The following EYS variants were observed in gnomAD, a reference collection of about 807,000 sequenced individuals.
EYS encodes the protein protein eyes shut homolog.
A neutral mutation model predicts 282.1 loss-of-function variants in EYS; 250 were observed. The ratio of observed to expected loss-of-function variants is 0.89; its 90% CI spans 0.80 to 0.98. EYS has a LOEUF of 0.98. Ranked by LOEUF, EYS falls within the 50% of genes least tolerant of loss-of-function variation. The probability of loss-of-function intolerance (pLI) is 0.00; values close to 1 mark genes in which losing one functional copy is unlikely to be tolerated. For missense variants in EYS, 4,016 were observed against 3,709.0 expected (o/e 1.08, Z -2.15); for synonymous variants, 1,355 against 1,282.9 (o/e 1.06, Z -1.20).
intron 8 of EYS, among the ~76,000 whole-genome samples, chr6:65,376,226 A>C (rs1220404363): frequency 6.6e-6 from 1 of 152,186 alleles, no homozygotes; most frequent in Non-Finnish European, 1.5e-5. Context: ...AATAGTCAAC[A>C]ATCTTAAAGA....
chr6:63,807,206 AC>A (rs1770928898), intron 36 of EYS, among the ~76,000 whole-genome samples: 1 of 152,060 alleles, frequency 6.6e-6, no homozygotes, highest in South Asian at 2.1e-4. Context: ...GGATTTTGAC[AC>A]CCCATTCCTG....
chr6:64,280,357 G>C (rs1257217376), intron 30 of EYS, among the ~76,000 whole-genome samples: 2 of 152,074 alleles, frequency 1.3e-5, no homozygotes, highest in Non-Finnish European at 2.9e-5. Context: ...TAAGAAAAGA[G>C]TATGTTAGTA....
Position 64,230,588 on chromosome 6 carries a change from T to C in EYS, c.6424+4A>G, listed in dbSNP as rs755979927. ...AATACAAAAGGGTAATGAAGATTGA[T>C]TACCTTTTTCACAGAAGCGGCCAGT... is the stretch of plus-strand genomic sequence containing the variant. On this transcript the variant is annotated splice_donor_region_variant and intron_variant, in intron 31 of 42. Transcript: ENST00000503581. 1.9e-6 allele frequency: 3 copies of C among 1,540,146 alleles called. No individual in the cohort carries two copies. The highest frequency in any genetic ancestry group is 2.6e-6 in the Non-Finnish European group (3 of 1,137,208).
chr6:64,191,179 C>A lies in EYS; in HGVS notation c.6424+39413G>T, dbSNP rs965392314. ...CCACTTTCTTTATGGTGTTAAAGTTCTTAATGCATTTTTGTCTCATTTATC... is the reference window on the plus strand; with the variant it reads ...CCACTTTCTTTATGGTGTTAAAGTTATTAATGCATTTTTGTCTCATTTATC... On this transcript the variant is annotated intron_variant, in intron 31 of 42. Coordinates refer to ENST00000503581, the MANE Select transcript of EYS (RefSeq NM_001142800.2). Among the ~76,000 whole-genome samples, 47 of 152,016 alleles carry A rather than the reference C, an allele frequency of 3.1e-4. No homozygotes were observed. The Middle Eastern group carries it at 0.01, about 33-fold the overall frequency.
At chr6:63,757,391 C>G (rs1159466282) in intron 41 of EYS, among the ~76,000 whole-genome samples, 2 of 152,076 alleles carry the variant, frequency 1.3e-5, no homozygotes, top group Non-Finnish European at 2.9e-5. Context: ...ACCCTGTTTT[C>G]TGTTGTTTAA....
At chr6:64,446,748 G>T (rs1022774916) in intron 26 of EYS, among the ~76,000 whole-genome samples, 1 of 151,976 alleles carries the variant, frequency 6.6e-6, no homozygotes, top group African/African-American at 2.4e-5. Context: ...TAGTGATCAG[G>T]TAGCTTAAGT....
At position 64,004,270 on chromosome 6, in the gene EYS, C is replaced by T. The variant is rs529381178; in HGVS notation, c.6726-5087G>A. Among the ~76,000 whole-genome samples the T allele has an allele frequency of 5.9e-5, 9 of 151,658 alleles. No individual in the cohort carries two copies. In the South Asian group the frequency reaches 1.0e-3, roughly 18 times the overall value. On this transcript the variant is annotated intron_variant, in intron 33 of 42. Transcript: ENST00000503581. Reference sequence around the variant, plus strand: ...TTAAATGTCTATGAATTTTTTTATTCTCAAGGTTTTGAATATATTTCTTTT... The same window carrying T: ...TTAAATGTCTATGAATTTTTTTATTTTCAAGGTTTTGAATATATTTCTTTT...
intron 28 of EYS, among the ~76,000 whole-genome samples, chr6:64,429,089 C>G (rs1774503043): frequency 6.6e-6 from 1 of 152,054 alleles, no homozygotes; most frequent in African/African-American, 2.4e-5. Flanking sequence ...AGAAAAAAAC[C>G]CCAAAACTCT....
chr6:64,173,471 T>C (rs1764540102), intron 31 of EYS, among the ~76,000 whole-genome samples: 1 of 152,168 alleles, frequency 6.6e-6, no homozygotes, highest in Non-Finnish European at 1.5e-5. Flanking sequence ...TTTCAGAGTT[T>C]CATGTGAAAA....
chr6:63,741,792 T>G, intron 41 of EYS: 1 of 611,130 alleles, frequency 1.6e-6, no homozygotes, highest in South Asian at 1.9e-5. Context: ...CTGTCAACAT[T>G]TCACCTAATT....
At chr6:65,621,956 T>C (rs932061380) in intron 2 of EYS, among the ~76,000 whole-genome samples, 2 of 152,172 alleles carry the variant, frequency 1.3e-5, no homozygotes, top group African/African-American at 4.8e-5. Context: ...TCTTTCCTTG[T>C]GGCAAATATT....
At chr6:64,023,732 G>T (rs1176879579) in intron 33 of EYS, among the ~76,000 whole-genome samples, 3 of 152,244 alleles carry the variant, frequency 2.0e-5, no homozygotes, top group African/African-American at 7.2e-5. Context: ...TTCTGGGCAG[G>T]CCAAGGCCAG....
intron 1 of EYS, among the ~76,000 whole-genome samples, chr6:65,703,208 C>A (rs62409462): frequency 0.15 from 22,537 of 151,882 alleles, 1,790 homozygotes; most frequent in East Asian, 0.33. Context: ...CTCTCTCTCT[C>A]TATATATATA....
At chr6:64,442,024 T>A (rs1774965334) in intron 26 of EYS, among the ~76,000 whole-genome samples, 1 of 152,028 alleles carries the variant, frequency 6.6e-6, no homozygotes, top group African/African-American at 2.4e-5. Context: ...TTGGAACAGT[T>A]TGGAGGGCTC....
chr6:65,674,582 T>G (rs961333533), intron 1 of EYS, among the ~76,000 whole-genome samples: 2 of 151,412 alleles, frequency 1.3e-5, no homozygotes, highest in African/African-American at 4.8e-5. Flanking sequence ...GAATGACATA[T>G]TCAAAGTGCT....
chr6:63,993,198 TATC>T (rs1442495922), intron 34 of EYS, among the ~76,000 whole-genome samples: 1 of 151,842 alleles, frequency 6.6e-6, no homozygotes, highest in East Asian at 1.9e-4. Context: ...ACAGAATACA[TATC>T]ATACTCAATG....
chr6:63,742,236 T>C (rs1352351740), intron 41 of EYS, among the ~76,000 whole-genome samples: 1 of 152,182 alleles, frequency 6.6e-6, no homozygotes, highest in Non-Finnish European at 1.5e-5. Flanking sequence ...TCAAGGTTTT[T>C]TTTTAAGGTG....
At position 65,335,671 on chromosome 6, in the gene EYS, C is replaced by T. The variant is rs376799054; in HGVS notation, c.1600-525G>A. On this transcript the variant is annotated intron_variant, in intron 10 of 42. Coordinates refer to ENST00000503581, the MANE Select transcript of EYS (RefSeq NM_001142800.2). ...TGTTTACTCATTGAACATGTGCTTG[C>T]CTGTCCCCCATAAATATGTATTGCT... Among the ~76,000 whole-genome samples the T allele has an allele frequency of 2.9e-4, 44 of 151,736 alleles. No individual in the cohort carries two copies. In the South Asian group the frequency reaches 8.5e-3, roughly 29 times the overall value.
At chr6:65,314,121 G>T (rs1252989164) in intron 11 of EYS, among the ~76,000 whole-genome samples, 1 of 134,508 alleles carries the variant, frequency 7.4e-6, no homozygotes, top group African/African-American at 2.7e-5. Context: ...ATCTGTGTGT[G>T]TGTGTGTATG....
Sources: gnomAD v4.1 joint callset for allele counts (sites outside exome capture counted in the v4.1 genomes callset) on GRCh38, gnomAD v4.1.1 for gene constraint, MANE v1.5 for transcripts, NCBI Gene and HGNC (gene_info 2026-07-23, HGNC 2026-07-21) for gene names.